The following PPM1L variants were observed in gnomAD, a reference collection of about 807,000 sequenced individuals.
PPM1L encodes protein phosphatase, Mg2+/Mn2+ dependent 1L, also known as protein phosphatase 1L.
PPM1L carries 13 observed loss-of-function variants against 31.4 expected under a neutral mutation model. That is an observed-to-expected ratio of 0.41 (90% CI 0.27 to 0.66). The LOEUF (loss-of-function observed/expected upper bound fraction) is 0.66. PPM1L is among the 30% of genes least tolerant of loss of function. The pLI is 0.29. For synonymous variants in PPM1L, 184 were observed against 175.4 expected, an observed-to-expected ratio of 1.05 and a Z score of -0.39; for missense variants, 326 against 453.7, an observed-to-expected ratio of 0.72 and a Z score of 2.56.
intron 2 of PPM1L, among the ~76,000 whole-genome samples, chr3:161,012,980 A>G (rs1481437428): frequency 6.6e-6 from 1 of 152,044 alleles, no homozygotes; most frequent in Non-Finnish European, 1.5e-5. Context: ...TCCTGGATTC[A>G]TTGATTTTTT....
intron 1 of PPM1L, among the ~76,000 whole-genome samples, chr3:160,866,592 T>C (rs73875408): frequency 0.044 from 6,685 of 152,258 alleles, 437 homozygotes; most frequent in African/African-American, 0.14. Flanking sequence ...TCTTTGAATT[T>C]GGAGATTTTC....
At chr3:161,004,068 A>G (rs1717610210) in intron 2 of PPM1L, among the ~76,000 whole-genome samples, 1 of 143,846 alleles carries the variant, frequency 7.0e-6, no homozygotes, top group Non-Finnish European at 1.5e-5. Context: ...GAATTTTGTC[A>G]AAGGCCTTTT....
intron 2 of PPM1L, among the ~76,000 whole-genome samples, chr3:160,964,410 G>A (rs1469526252): frequency 1.3e-5 from 2 of 151,910 alleles, no homozygotes; most frequent in Non-Finnish European, 2.9e-5. Flanking sequence ...TATATTTACT[G>A]TATTAAATGG....
intron 2 of PPM1L, among the ~76,000 whole-genome samples, chr3:161,029,951 A>G (rs1418318743): frequency 6.6e-6 from 1 of 152,230 alleles, no homozygotes; most frequent in African/African-American, 2.4e-5. Flanking sequence ...TGAAGTTTTC[A>G]GCAACCATGA....
chr3:161,033,843 A>G (rs902347816), intron 2 of PPM1L, among the ~76,000 whole-genome samples: 5 of 152,182 alleles, frequency 3.3e-5, no homozygotes, highest in African/African-American at 1.2e-4. Flanking sequence ...CTGACAAATA[A>G]GATATAATTC....
At chr3:160,919,318 A>G (rs1372065829) in intron 1 of PPM1L, among the ~76,000 whole-genome samples, 1 of 152,098 alleles carries the variant, frequency 6.6e-6, no homozygotes, top group Non-Finnish European at 1.5e-5. Context: ...TTTTTCATTT[A>G]TCTAGGATCA....
chr3:160,947,035 C>T (rs769722719), intron 1 of PPM1L, among the ~76,000 whole-genome samples: 12 of 152,030 alleles, frequency 7.9e-5, no homozygotes, highest in Non-Finnish European at 1.5e-4. Flanking sequence ...AGGAGAGTTG[C>T]CAACACTAAA....
At chr3:160,956,030 C>A (rs1715765715) in intron 1 of PPM1L, among the ~76,000 whole-genome samples, 1 of 152,082 alleles carries the variant, frequency 6.6e-6, no homozygotes, top group South Asian at 2.1e-4. Flanking sequence ...CACCTGAATT[C>A]TTTAATATGT....
intron 1 of PPM1L, among the ~76,000 whole-genome samples, chr3:160,834,270 G>A (rs1025270503): frequency 6.6e-5 from 10 of 151,878 alleles, no homozygotes; most frequent in African/African-American, 2.4e-4. Flanking sequence ...TGATCTGCCC[G>A]CCTTGGCCTC....
At chr3:160,812,882 A>T (rs1442058728) in intron 1 of PPM1L, among the ~76,000 whole-genome samples, 1 of 152,240 alleles carries the variant, frequency 6.6e-6, no homozygotes, top group African/African-American at 2.4e-5. Context: ...CCTGAATGTG[A>T]GAAAGTCCTT....
At chr3:160,971,957 G>A (rs553636080) in intron 2 of PPM1L, among the ~76,000 whole-genome samples, 16 of 152,084 alleles carry the variant, frequency 1.1e-4, no homozygotes, top group Admixed American at 2.0e-4. Flanking sequence ...CTGTAGAGAC[G>A]GGTTCTTACT....
Position 160,961,719 on chromosome 3 carries a change from G to A in PPM1L, c.400-17G>A. 6.4e-7 allele frequency: 1 copy of A among 1,565,568 alleles called. No individual in the cohort carries two copies. The highest frequency in any genetic ancestry group is 8.6e-7 in the Non-Finnish European group (1 of 1,163,142). On this transcript the variant is annotated splice_polypyrimidine_tract_variant and intron_variant, in intron 1 of 3. Coordinates refer to ENST00000498165, the MANE Select transcript of PPM1L (RefSeq NM_139245.4). ...ATTTCTAATGGAGTTCTCTCTCTCT[G>A]ACTGTTTTATCTGCAGACTGCAGCT...
At chr3:160,940,192 G>T (rs1715115712) in intron 1 of PPM1L, among the ~76,000 whole-genome samples, 1 of 152,178 alleles carries the variant, frequency 6.6e-6, no homozygotes, top group Non-Finnish European at 1.5e-5. Flanking sequence ...TTCAAGAGGT[G>T]ACTTGGGTAC....
intron 3 of PPM1L, among the ~76,000 whole-genome samples, chr3:161,067,566 A>C (rs1719777879): frequency 6.6e-6 from 1 of 152,226 alleles, no homozygotes; most frequent in African/African-American, 2.4e-5. Flanking sequence ...CTGTGCTGGC[A>C]GCAAAGCCTA....
chr3:161,030,942 A>G (rs148781034), intron 2 of PPM1L, among the ~76,000 whole-genome samples: 2,628 of 152,326 alleles, frequency 0.017, 55 homozygotes, highest in Non-Finnish European at 0.021. Context: ...TCTAATCAAA[A>G]TAAGAGGAGG....
In PPM1L at chr3:160,803,884, C is replaced by T. The variant is rs191655680; in HGVS notation, c.399+47177C>T. Reference sequence around the variant, plus strand: ...CTTTAAAAACTGAGACTGAGAGACACTTAGCATAGAGATTATTAAATGTAA... The same window carrying T: ...CTTTAAAAACTGAGACTGAGAGACATTTAGCATAGAGATTATTAAATGTAA... On this transcript the variant is annotated intron_variant, in intron 1 of 3. Transcript: ENST00000498165. Among the ~76,000 whole-genome samples the T allele has an allele frequency of 3.9e-5, 6 of 152,224 alleles. No individual in the cohort carries two copies. In the East Asian group the frequency reaches 1.2e-3, roughly 29 times the overall value.
In PPM1L at chr3:160,785,111, A is replaced by G. The variant is rs115355725; in HGVS notation, c.399+28404A>G. On this transcript the variant is annotated intron_variant, in intron 1 of 3. Transcript: ENST00000498165. Reference sequence around the variant, plus strand: ...TCCATTTTTTTCCTTATCTCCTTCAACAAGGATTTATACAGTGTTTGCTTA... The same window carrying G: ...TCCATTTTTTTCCTTATCTCCTTCAGCAAGGATTTATACAGTGTTTGCTTA... Among the ~76,000 whole-genome samples the G allele has an allele frequency of 1.0e-2, 1,517 of 152,270 alleles. 30 individuals carry two copies. Among genetic ancestry groups the G allele is most frequent in the African/African-American group, 0.035 (1,449 of 41,550 alleles).
At chr3:160,885,006 G>C (rs1349876192) in intron 1 of PPM1L, among the ~76,000 whole-genome samples, 1 of 152,108 alleles carries the variant, frequency 6.6e-6, no homozygotes, top group Non-Finnish European at 1.5e-5. Context: ...CTTATTACCT[G>C]TGGAGCTTTT....
intron 2 of PPM1L, among the ~76,000 whole-genome samples, chr3:161,007,296 A>G (rs537706106): frequency 6.6e-6 from 1 of 152,392 alleles, no homozygotes; most frequent in South Asian, 2.1e-4. Context: ...AATCAAGGGA[A>G]GCATCATGTA....
Sources: gnomAD v4.1 joint callset for allele counts (sites outside exome capture counted in the v4.1 genomes callset) on GRCh38, gnomAD v4.1.1 for gene constraint, MANE v1.5 for transcripts, NCBI Gene and HGNC (gene_info 2026-07-23, HGNC 2026-07-21) for gene names.